BRMS1L: variants seen among roughly 807,000 people sequenced by gnomAD.
The protein encoded by BRMS1L is breast cancer metastasis-suppressor 1-like protein.
BRMS1L carries 23 observed loss-of-function variants against 50.3 expected under a neutral mutation model. The observed-to-expected ratio is 0.46, with a 90% CI of 0.33 to 0.65. BRMS1L has a LOEUF of 0.65. BRMS1L is among the 30% of genes least tolerant of loss of function. The probability of loss-of-function intolerance (pLI) is 0.02; values close to 1 mark genes in which losing one functional copy is unlikely to be tolerated. For missense variants in BRMS1L, 286 were observed against 386.1 expected (o/e 0.74, Z 2.17); for synonymous variants, 114 against 126.9 (o/e 0.90, Z 0.69).
At chr14:35,867,801 C>A (rs1370832011) in intron 8 of BRMS1L, 105 bp from the exon 9 acceptor site, 5 of 1,068,388 alleles carry the variant, frequency 4.7e-6, no homozygotes, top group Non-Finnish European at 6.2e-6. Context: ...TATTTTTAGG[C>A]CTTTTTTACA....
At chr14:35,841,381 C>T (rs1435453032) in intron 4 of BRMS1L, among the ~76,000 whole-genome samples, 1 of 151,922 alleles carries the variant, frequency 6.6e-6, no homozygotes, top group Non-Finnish European at 1.5e-5. Flanking sequence ...TCACTGCAAG[C>T]TCTGCCTCCT....
intron 4 of BRMS1L, among the ~76,000 whole-genome samples, chr14:35,839,860 T>C (rs1289177244): frequency 6.6e-6 from 1 of 152,214 alleles, no homozygotes; most frequent in Non-Finnish European, 1.5e-5. Context: ...ATACCCTTTA[T>C]TTCTTTCTCT....
chr14:35,848,896 A>G (rs894302608), intron 4 of BRMS1L, among the ~76,000 whole-genome samples: 1 of 152,148 alleles, frequency 6.6e-6, no homozygotes, highest in Admixed American at 6.5e-5. Context: ...ATGAACTTCC[A>G]TATCTTGGAG....
chr14:35,830,865 T>C (rs1344124466), intron 1 of BRMS1L, among the ~76,000 whole-genome samples: 4 of 151,926 alleles, frequency 2.6e-5, no homozygotes, highest in Non-Finnish European at 5.9e-5. Flanking sequence ...GATTTAAAAA[T>C]GAATAAAAGT....
intron 4 of BRMS1L, among the ~76,000 whole-genome samples, chr14:35,859,391 T>C (rs2078321672): frequency 1.3e-5 from 2 of 152,214 alleles, no homozygotes; most frequent in Admixed American, 1.3e-4. Context: ...GAATTCTAGA[T>C]AGAAATCATG....
chr14:35,862,510 C>A, intron 4 of BRMS1L, 80 bp from the exon 5 acceptor site: 2 of 779,382 alleles, frequency 2.6e-6, no homozygotes, highest in South Asian at 3.2e-5. Context: ...TATTAAAGTA[C>A]TTTAAGTTAT....
At chr14:35,857,359 A>G (rs2078295432) in intron 4 of BRMS1L, among the ~76,000 whole-genome samples, 1 of 151,710 alleles carries the variant, frequency 6.6e-6, no homozygotes, top group African/African-American at 2.4e-5. Context: ...TTGAAGGCAT[A>G]GCCTTATAAT....
intron 8 of BRMS1L, 129 bp from the exon 9 acceptor site, chr14:35,867,773 GGTTT>G: frequency 1.3e-6 from 1 of 771,774 alleles, no homozygotes; most frequent in Non-Finnish European, 1.8e-6. Flanking sequence ...TTACATTTTA[GGTTT>G]GTTATTTAAG....
At chr14:35,859,526 T>C (rs568768342) in intron 4 of BRMS1L, among the ~76,000 whole-genome samples, 3 of 152,368 alleles carry the variant, frequency 2.0e-5, no homozygotes, top group South Asian at 4.1e-4. Flanking sequence ...TGAATACTTT[T>C]AGGATCTTCT....
At chr14:35,835,001 A>G (rs2077972408) in intron 4 of BRMS1L, 78 bp downstream of exon 4, 4 of 962,580 alleles carry the variant, frequency 4.2e-6, no homozygotes, top group Non-Finnish European at 5.9e-6. Flanking sequence ...AAAAAAGTAA[A>G]CTAAGTAAAA....
chr14:35,846,394 T>TA (rs556829031), intron 4 of BRMS1L, among the ~76,000 whole-genome samples: 186 of 121,612 alleles, frequency 1.5e-3, no homozygotes, highest in Middle Eastern at 0.014. Context: ...AGATCCTGTC[T>TA]AAAAAAAAAA....
intron 4 of BRMS1L, among the ~76,000 whole-genome samples, chr14:35,844,461 C>T (rs1428580575): frequency 6.6e-6 from 1 of 152,202 alleles, no homozygotes; most frequent in African/African-American, 2.4e-5. Context: ...ACACCTTATG[C>T]TTCCCAGGTG....
intron 4 of BRMS1L, among the ~76,000 whole-genome samples, chr14:35,856,527 C>T (rs944268588): frequency 5.9e-5 from 9 of 151,362 alleles, no homozygotes; most frequent in Admixed American, 4.0e-4. Flanking sequence ...AAATGTCTGT[C>T]GAGAAATAAG....
chr14:35,870,191 T>C (rs1341225580), intron 9 of BRMS1L, among the ~76,000 whole-genome samples, 169 bp from the exon 10 acceptor site: 5 of 152,174 alleles, frequency 3.3e-5, no homozygotes, highest in African/African-American at 7.2e-5. Flanking sequence ...CTGAATGTGA[T>C]ATTTTTGGCA....
intron 4 of BRMS1L, among the ~76,000 whole-genome samples, chr14:35,840,123 A>T (rs1320079731): frequency 6.6e-6 from 1 of 152,140 alleles, no homozygotes; most frequent in Non-Finnish European, 1.5e-5. Context: ...ATCTATTGAG[A>T]TAATCATGTG....
In BRMS1L at chr14:35,865,780, G is replaced by A. The variant is rs1329360392; in HGVS notation, c.727+19G>A. 3 of 1,600,368 alleles carry A rather than the reference G, an allele frequency of 1.9e-6. No individual in the cohort carries two copies. The highest frequency in any genetic ancestry group is 2.6e-6 in the Non-Finnish European group (3 of 1,174,906). ...ACGGAACGTAAGTCATTTAGTCTGA[G>A]TTGGGAAATATTCTCTTTGGAGACT... On this transcript the variant is annotated intron_variant, in intron 8 of 9. Coordinates refer to ENST00000216807, the MANE Select transcript of BRMS1L (RefSeq NM_032352.4).
chr14:35,865,105 G>T, intron 7 of BRMS1L, 106 bp downstream of exon 7: 1 of 797,514 alleles, frequency 1.3e-6, no homozygotes. Flanking sequence ...AATATGCTTT[G>T]CTTTTGCAAC....
At chr14:35,835,254 T>A (rs1235938790) in intron 4 of BRMS1L, among the ~76,000 whole-genome samples, 1 of 152,208 alleles carries the variant, frequency 6.6e-6, no homozygotes. Context: ...AAATATACAC[T>A]CAATGGTGCA....
At chr14:35,826,908 C>G (rs1027210686) in intron 1 of BRMS1L, 1 of 513,694 alleles carries the variant, frequency 1.9e-6, no homozygotes, top group East Asian at 3.7e-5. Flanking sequence ...GGTCCTGCCC[C>G]CGGTGGTGCT....
Sources: gnomAD v4.1 joint callset for allele counts (sites outside exome capture counted in the v4.1 genomes callset) on GRCh38, gnomAD v4.1.1 for gene constraint, MANE v1.5 for transcripts, NCBI Gene and HGNC (gene_info 2026-07-23, HGNC 2026-07-21) for gene names.